RNF220: variants seen among roughly 807,000 people sequenced by gnomAD.
The protein encoded by RNF220 is ring finger protein 220, also known as E3 ubiquitin-protein ligase RNF220.
A neutral mutation model predicts 67.1 loss-of-function variants in RNF220; 7 were observed. The ratio of observed to expected loss-of-function variants is 0.10; its 90% CI spans 0.06 to 0.20. The LOEUF (loss-of-function observed/expected upper bound fraction) is 0.20. RNF220 is among the 10% of genes least tolerant of loss of function. RNF220 has a pLI of 1.00. For missense variants in RNF220, 565 were observed against 740.3 expected, an observed-to-expected ratio of 0.76 and a Z score of 2.75; for synonymous variants, 270 against 283.2, an observed-to-expected ratio of 0.95 and a Z score of 0.47.
intron 2 of RNF220, among the ~76,000 whole-genome samples, chr1:44,520,128 T>TGAGAGAGAGAGA (rs1553236436): frequency 8.8e-6 from 1 of 113,374 alleles, no homozygotes; most frequent in African/African-American, 3.2e-5. Context: ...TGTGTGTGTG[T>TGAGAGAGAGAGA]GAGAGAGAGA....
rs1026535176 is a variant in RNF220, at chr1:44,622,326, A to G, written c.759-416A>G. ...ACACAGTTTGCAGCATGTTGGAGGGAGAATTGACAAGAGCCCTGTCAGCTC... is the reference window on the plus strand; with the variant it reads ...ACACAGTTTGCAGCATGTTGGAGGGGGAATTGACAAGAGCCCTGTCAGCTC... On this transcript the variant is annotated intron_variant, in intron 3 of 14. Transcript: ENST00000361799. This position sits in a 1 kb window ranked among gnomAD's most constrained non-coding sequence, Gnocchi z 4.3. 1.3e-5 allele frequency among the ~76,000 whole-genome samples: 2 copies of G among 152,192 alleles called. No homozygotes were observed. Among genetic ancestry groups the G allele is most frequent in the African/African-American group, 4.8e-5 (2 of 41,442 alleles).
chr1:44,432,566 G>A (rs548093557), intron 2 of RNF220, among the ~76,000 whole-genome samples: 34 of 146,538 alleles, frequency 2.3e-4, no homozygotes, highest in East Asian at 6.2e-4. Flanking sequence ...CACCATGCCC[G>A]GCCTGTTTGT....
chr1:44,479,872 C>T (rs1204638911), intron 2 of RNF220, among the ~76,000 whole-genome samples: 1 of 152,208 alleles, frequency 6.6e-6, no homozygotes, highest in African/African-American at 2.4e-5. Context: ...AAGCAGCCAG[C>T]TCATGCTTGC....
At chr1:44,564,391 T>G (rs1043174696) in intron 2 of RNF220, among the ~76,000 whole-genome samples, 1 of 152,092 alleles carries the variant, frequency 6.6e-6, no homozygotes, top group African/African-American at 2.4e-5. Context: ...ATATAATTGA[T>G]CTCAGCATGG....
intron 8 of RNF220, chr1:44,636,514 T>A: frequency 1.4e-6 from 1 of 702,832 alleles, no homozygotes; most frequent in Non-Finnish European, 2.7e-6. Context: ...CTCTTAAGGC[T>A]GATAAATGAG....
At chr1:44,424,395 A>G (rs1158059496) in intron 2 of RNF220, among the ~76,000 whole-genome samples, 2 of 152,116 alleles carry the variant, frequency 1.3e-5, no homozygotes, top group Non-Finnish European at 2.9e-5. Context: ...TCAGAATCAC[A>G]AGGAATACAG....
chr1:44,476,414 T>A (rs1018367385), intron 2 of RNF220, among the ~76,000 whole-genome samples: 10 of 152,146 alleles, frequency 6.6e-5, no homozygotes, highest in African/African-American at 2.4e-4. Flanking sequence ...AAGTCAAAGA[T>A]CTTGACTTGA....
At chr1:44,562,983 A>G (rs1054157236) in intron 2 of RNF220, among the ~76,000 whole-genome samples, 3 of 152,202 alleles carry the variant, frequency 2.0e-5, no homozygotes, top group Admixed American at 6.5e-5. Flanking sequence ...GTGGACCTGA[A>G]TGGGGCTGGG....
intron 2 of RNF220, among the ~76,000 whole-genome samples, chr1:44,593,305 CATCGGACTATTAGG>C (rs1172772186): frequency 6.6e-6 from 1 of 152,246 alleles, no homozygotes; most frequent in African/African-American, 2.4e-5. Context: ...CAGAACACAG[CATCGGACTATTAGG>C]AGCCCAAAGT....
intron 2 of RNF220, among the ~76,000 whole-genome samples, chr1:44,468,846 GGCGGAGGTTGCAGT>G (rs1438643421): frequency 1.3e-5 from 2 of 152,122 alleles, no homozygotes; most frequent in Non-Finnish European, 2.9e-5. Context: ...GAGCCTGGGA[GGCGGAGGTTGCAGT>G]GAGCCAAGAT....
At chr1:44,444,083 T>C (rs544712464) in intron 2 of RNF220, among the ~76,000 whole-genome samples, 3 of 152,120 alleles carry the variant, frequency 2.0e-5, no homozygotes, top group Non-Finnish European at 4.4e-5. Context: ...AGAGCAAGAC[T>C]CCGTCTCAAA....
At chr1:44,452,902 A>T (rs556777307) in intron 2 of RNF220, among the ~76,000 whole-genome samples, 1 of 152,206 alleles carries the variant, frequency 6.6e-6, no homozygotes, top group Non-Finnish European at 1.5e-5. Flanking sequence ...AAAATATCTT[A>T]TAAGTATTTT....
rs760248356 is a variant in RNF220, at chr1:44,459,513, G to A, written c.625+46791G>A. On this transcript the variant is annotated intron_variant, in intron 2 of 14. Transcript: ENST00000361799. ...AACTTTGTAGCTTCCAGGTAAAAAT[G>A]TCCAAAAAGTAGTCAGACACAAAAT... Among the ~76,000 whole-genome samples the A allele has an allele frequency of 3.5e-4, 52 of 150,354 alleles. 1 individual carries two copies. Among genetic ancestry groups the A allele is most frequent in the Non-Finnish European group, 5.3e-4 (36 of 67,832 alleles).
At chr1:44,529,594 T>G (rs904999227) in intron 2 of RNF220, among the ~76,000 whole-genome samples, 8 of 152,164 alleles carry the variant, frequency 5.3e-5, no homozygotes, top group African/African-American at 1.9e-4. Context: ...CAGGCTGGTC[T>G]CGAACTCCTG....
chr1:44,587,145 CTTTTTTTTTTTT>C (rs60300155), intron 2 of RNF220, among the ~76,000 whole-genome samples: 1 of 124,126 alleles, frequency 8.1e-6, no homozygotes, highest in Non-Finnish European at 1.6e-5. Flanking sequence ...CTTCTTCTTC[CTTTTTTTTTTTT>C]TTTTTTTTGA....
intron 2 of RNF220, among the ~76,000 whole-genome samples, chr1:44,533,738 G>T (rs553898335): frequency 2.6e-4 from 40 of 152,332 alleles, no homozygotes; most frequent in African/African-American, 9.4e-4. Context: ...GTCAGAAAAG[G>T]CTTCTGCAGG....
intron 2 of RNF220, among the ~76,000 whole-genome samples, chr1:44,568,107 C>A (rs906828275): frequency 1.3e-5 from 2 of 152,188 alleles, no homozygotes; most frequent in Non-Finnish European, 2.9e-5. Flanking sequence ...CTTCAATCTC[C>A]ACATCCAACT....
chr1:44,434,652 GC>G (rs1396657901), intron 2 of RNF220, among the ~76,000 whole-genome samples: 2 of 151,350 alleles, frequency 1.3e-5, no homozygotes, highest in Non-Finnish European at 2.9e-5. Flanking sequence ...GGGAGGCAGA[GC>G]TTGCAGTGAG....
chr1:44,506,382 C>G (rs1159681683), intron 2 of RNF220, among the ~76,000 whole-genome samples: 1 of 152,236 alleles, frequency 6.6e-6, no homozygotes, highest in Non-Finnish European at 1.5e-5. Context: ...TCCATCACAC[C>G]AAGGCAGGAA....
Sources: gnomAD v4.1 joint callset for allele counts (sites outside exome capture counted in the v4.1 genomes callset) on GRCh38, gnomAD v4.1.1 for gene constraint, Gnocchi (gnomAD v3.1) non-coding constraint, MANE v1.5 for transcripts, NCBI Gene and HGNC (gene_info 2026-07-23, HGNC 2026-07-21) for gene names.